HOMER1: variants seen among roughly 807,000 people sequenced by gnomAD.
The protein encoded by HOMER1 is homer protein homolog 1.
Under a neutral mutation model 48.9 loss-of-function variants are expected in HOMER1, and 3 were observed. The observed-to-expected ratio is 0.06, with a 90% CI of 0.03 to 0.16. HOMER1 has a LOEUF of 0.16. HOMER1 is among the 10% of genes least tolerant of loss of function. The pLI is 1.00. For synonymous variants in HOMER1, 134 were observed against 146.4 expected, an observed-to-expected ratio of 0.92 and a Z score of 0.61; for missense variants, 247 against 411.4, an observed-to-expected ratio of 0.60 and a Z score of 3.46.
At position 79,439,125 on chromosome 5, in the gene HOMER1, A is replaced by G; in HGVS notation, c.412T>C (p.Ser138Pro). 6.2e-7 allele frequency: 1 copy of G among 1,613,986 alleles called. No individual in the cohort carries two copies. Among genetic ancestry groups the G allele is most frequent in the Non-Finnish European group, 8.5e-7 (1 of 1,179,944 alleles). ...TTGATACTTTCCGGTGTTAAAGGAG[A>G]CTGAAGATCCCCGCCTGCGGATTCC... ...SQESAGGDLQ[S>P]PLTPESINGT... The change falls in exon 5 of 9, where the codon TCT (serine) becomes CCT (proline). Residue 138 changes from serine (S) to proline (P), a missense_variant. Around this residue, in one of 4 missense-constraint regions of HOMER1, gnomAD observed 94 missense variants for 112.4 expected, o/e 0.84. Transcript: ENST00000334082.
intron 1 of HOMER1, among the ~76,000 whole-genome samples, chr5:79,484,665 T>C (rs1022672893): frequency 2.0e-5 from 3 of 152,230 alleles, no homozygotes; most frequent in Admixed American, 6.5e-5. Flanking sequence ...TTAAAAATCA[T>C]TTTAAATATA....
At chr5:79,452,264 T>C (rs559771092) in intron 2 of HOMER1, among the ~76,000 whole-genome samples, 3 of 152,366 alleles carry the variant, frequency 2.0e-5, no homozygotes, top group African/African-American at 7.2e-5. Context: ...TGAGAATTGC[T>C]ATCATTTTTG....
intron 4 of HOMER1, among the ~76,000 whole-genome samples, chr5:79,441,555 T>C (rs749481477): frequency 3.3e-5 from 5 of 152,174 alleles, no homozygotes; most frequent in Non-Finnish European, 5.9e-5. Context: ...ATATTAGCTA[T>C]ATTTAAGTAA....
At chr5:79,385,791 C>T (rs963539222) in intron 8 of HOMER1, among the ~76,000 whole-genome samples, 4 of 137,084 alleles carry the variant, frequency 2.9e-5, no homozygotes, top group Non-Finnish European at 4.5e-5. Context: ...TGCAGTGAGC[C>T]GAGATCGCAC....
At chr5:79,434,427 C>G (rs1349095192) in intron 5 of HOMER1, among the ~76,000 whole-genome samples, 1 of 151,726 alleles carries the variant, frequency 6.6e-6, no homozygotes, top group Non-Finnish European at 1.5e-5. Context: ...AGAACAAAAC[C>G]TTCCCTCTTA....
intron 1 of HOMER1, among the ~76,000 whole-genome samples, chr5:79,489,340 G>A (rs765053351): frequency 6.6e-6 from 1 of 152,158 alleles, no homozygotes; most frequent in Non-Finnish European, 1.5e-5. Context: ...ACACGGCCAA[G>A]CAACAGAAGG....
chr5:79,471,523 G>A (rs952678187), intron 1 of HOMER1, among the ~76,000 whole-genome samples: 8 of 148,534 alleles, frequency 5.4e-5, no homozygotes, highest in Admixed American at 1.3e-4. Flanking sequence ...CCCCAGTCTG[G>A]GGAATAAGAG....
chr5:79,498,256 G>A (rs955696737), intron 1 of HOMER1, among the ~76,000 whole-genome samples: 4 of 152,028 alleles, frequency 2.6e-5, no homozygotes, highest in East Asian at 1.9e-4. Flanking sequence ...AAAATTAGCC[G>A]GGTGCGGTGG....
chr5:79,407,704 C>T (rs745390327), intron 5 of HOMER1, among the ~76,000 whole-genome samples: 1 of 151,886 alleles, frequency 6.6e-6, no homozygotes, highest in Non-Finnish European at 1.5e-5. Context: ...AACTGTCTAA[C>T]AAATGTTTAA....
intron 5 of HOMER1, among the ~76,000 whole-genome samples, chr5:79,422,726 T>C (rs1750134745): frequency 6.6e-6 from 1 of 151,966 alleles, no homozygotes; most frequent in South Asian, 2.1e-4. Context: ...CTATACACTA[T>C]ACCATCTAAT....
intron 5 of HOMER1, among the ~76,000 whole-genome samples, chr5:79,417,287 G>T (rs909006826): frequency 2.6e-5 from 4 of 151,894 alleles, no homozygotes; most frequent in Admixed American, 1.3e-4. Context: ...GGACTACAGG[G>T]GCCTGCCACC....
chr5:79,411,614 TG>T (rs1749816545), intron 5 of HOMER1, among the ~76,000 whole-genome samples: 1 of 152,216 alleles, frequency 6.6e-6, no homozygotes, highest in Non-Finnish European at 1.5e-5. Flanking sequence ...GCTTAATGTA[TG>T]AGCAATATAC....
chr5:79,397,507 G>A lies in HOMER1; in HGVS notation c.795+20C>T, dbSNP rs775316533. On this transcript the variant is annotated intron_variant, in intron 7 of 8. Transcript: ENST00000334082. ...CAAACATGTTAGCTAGATTACAGAT[G>A]AGTAAAAAGCAGCAAATACCTCTTC... The A allele has an allele frequency of 1.1e-5, 14 of 1,276,592 alleles. No homozygotes were observed. Among genetic ancestry groups the A allele is most frequent in the Non-Finnish European group, 1.4e-5 (12 of 877,610 alleles). 79.1% of individuals were successfully genotyped at this position (1,276,592 alleles called of 1,614,324 possible). A position where few individuals can be genotyped will look rare whatever the true frequency, so the allele number is the denominator to read the frequency against.
intron 6 of HOMER1, among the ~76,000 whole-genome samples, chr5:79,398,421 A>C (rs1217447426): frequency 1.3e-5 from 2 of 152,076 alleles, no homozygotes; most frequent in East Asian, 3.9e-4. Context: ...CTAGACTATT[A>C]AAGAAACAGA....
intron 1 of HOMER1, among the ~76,000 whole-genome samples, chr5:79,477,391 A>AT (rs915893560): frequency 2.0e-5 from 3 of 152,114 alleles, no homozygotes; most frequent in African/African-American, 7.2e-5. Context: ...AGAGGAAGAG[A>AT]TTTTTTTCTT....
chr5:79,439,236 G>A, intron 4 of HOMER1, 87 bp from the exon 5 acceptor site: 1 of 1,262,820 alleles, frequency 7.9e-7, no homozygotes, highest in Non-Finnish European at 1.1e-6. Context: ...TGCCTTTGAT[G>A]TATGCTTACT....
At chr5:79,492,138 T>A (rs189537987) in intron 1 of HOMER1, among the ~76,000 whole-genome samples, 10 of 152,362 alleles carry the variant, frequency 6.6e-5, no homozygotes, top group Middle Eastern at 3.4e-3. Context: ...ATATCTTGGA[T>A]AAAGTAAAAT....
At chr5:79,436,105 C>A (rs1282756174) in intron 5 of HOMER1, among the ~76,000 whole-genome samples, 2 of 150,724 alleles carry the variant, frequency 1.3e-5, no homozygotes, top group Non-Finnish European at 3.0e-5. Context: ...CGCAGTCCGG[C>A]CTGGGCGACA....
intron 2 of HOMER1, among the ~76,000 whole-genome samples, chr5:79,454,123 T>C (rs1383864383): frequency 6.6e-6 from 1 of 152,242 alleles, no homozygotes; most frequent in African/African-American, 2.4e-5. Flanking sequence ...ACATTTCATA[T>C]TGCTTCAGTG....
Sources: allele counts gnomAD v4.1 joint callset (sites outside exome capture counted in the v4.1 genomes callset), GRCh38; gene constraint gnomAD v4.1.1; regional missense constraint gnomAD v4.1.1; transcripts MANE v1.5; gene names NCBI Gene and HGNC (gene_info 2026-07-23, HGNC 2026-07-21).